Variants in ZBTB7C observed in about 807,000 individuals in gnomAD.
The protein encoded by ZBTB7C is zinc finger and BTB domain-containing protein 7C.
In ZBTB7C, 8 loss-of-function variants were observed where a neutral mutation model predicts 25.7. The observed-to-expected ratio is 0.31, with a 90% CI of 0.18 to 0.56. The LOEUF is 0.56. ZBTB7C is among the 20% of genes least tolerant of loss of function. The pLI, the probability that ZBTB7C is intolerant of heterozygous loss-of-function variation, is 0.91. For missense variants in ZBTB7C, 824 were observed against 855.2 expected (o/e 0.96, Z 0.46); for synonymous variants, 394 against 369.0 (o/e 1.07, Z -0.78).
intron 2 of ZBTB7C, among the ~76,000 whole-genome samples, chr18:48,264,922 G>A (rs1346950633): frequency 6.6e-6 from 1 of 152,212 alleles, no homozygotes; most frequent in Non-Finnish European, 1.5e-5. Context: ...GGCTGCAGAT[G>A]AGAAAGTAAA....
chr18:48,364,958 T>G (rs1325507203), intron 1 of ZBTB7C, among the ~76,000 whole-genome samples: 1 of 152,222 alleles, frequency 6.6e-6, no homozygotes, highest in African/African-American at 2.4e-5. Context: ...AAATCTCTGA[T>G]TCAGCAGGGC....
intron 3 of ZBTB7C, among the ~76,000 whole-genome samples, chr18:48,146,806 T>C (rs1019614205): frequency 6.6e-6 from 1 of 152,238 alleles, no homozygotes; most frequent in Non-Finnish European, 1.5e-5. Flanking sequence ...TATGTCCTAG[T>C]ATAATGTCAT....
chr18:48,396,547 T>C (rs2048031942), intron 1 of ZBTB7C, among the ~76,000 whole-genome samples: 1 of 152,224 alleles, frequency 6.6e-6, no homozygotes, highest in Non-Finnish European at 1.5e-5. Context: ...TTATATTTAG[T>C]TGTAAGCTAG....
chr18:48,049,814 A>G (rs1042750806), intron 3 of ZBTB7C, among the ~76,000 whole-genome samples: 1 of 152,034 alleles, frequency 6.6e-6, no homozygotes, highest in African/African-American at 2.4e-5. Flanking sequence ...GCTATGATCC[A>G]CAAGTCTGGT....
chr18:48,189,363 T>C (rs573043972), intron 2 of ZBTB7C, among the ~76,000 whole-genome samples: 2 of 152,296 alleles, frequency 1.3e-5, no homozygotes, highest in African/African-American at 4.8e-5. Flanking sequence ...TTCTATGCCC[T>C]GGATTTTTTT....
chr18:48,311,167 T>C (rs758275684), intron 2 of ZBTB7C, among the ~76,000 whole-genome samples: 2 of 152,120 alleles, frequency 1.3e-5, no homozygotes, highest in Non-Finnish European at 2.9e-5. Context: ...ATCTGCTTCC[T>C]AAGGCAGCAG....
At chr18:48,118,085 A>G (rs927016145) in intron 3 of ZBTB7C, among the ~76,000 whole-genome samples, 2 of 150,134 alleles carry the variant, frequency 1.3e-5, no homozygotes, top group Admixed American at 6.7e-5. Flanking sequence ...GACTCACTGC[A>G]ATCTCCACCT....
At chr18:48,293,953 G>T (rs2045310820) in intron 2 of ZBTB7C, among the ~76,000 whole-genome samples, 1 of 152,176 alleles carries the variant, frequency 6.6e-6, no homozygotes, top group Non-Finnish European at 1.5e-5. Context: ...CTAGAACAAT[G>T]AAATGAACAA....
intron 3 of ZBTB7C, chr18:48,150,571 G>C (rs1316582915): frequency 7.9e-6 from 1 of 126,798 alleles, no homozygotes; most frequent in East Asian, 2.3e-4. Flanking sequence ...GACAGAGCGA[G>C]ACTCCATCTC....
chr18:48,150,041 T>A (rs2144883648), intron 3 of ZBTB7C: 1 of 152,156 alleles, frequency 6.6e-6, no homozygotes, highest in East Asian at 1.9e-4. Context: ...TGACCTCAAG[T>A]GATCCACCCG....
At chr18:48,222,971 C>G (rs1409581049) in intron 2 of ZBTB7C, among the ~76,000 whole-genome samples, 1 of 152,148 alleles carries the variant, frequency 6.6e-6, no homozygotes, top group Non-Finnish European at 1.5e-5. Flanking sequence ...GCTGTGTGGC[C>G]CTGAGCTGTG....
intron 3 of ZBTB7C, among the ~76,000 whole-genome samples, chr18:48,093,637 G>C (rs1022133131): frequency 4.0e-5 from 6 of 151,236 alleles, no homozygotes; most frequent in South Asian, 4.2e-4. Context: ...CACACACACA[G>C]AGATTCATCT....
intron 2 of ZBTB7C, among the ~76,000 whole-genome samples, chr18:48,313,831 G>A (rs951060205): frequency 6.6e-6 from 1 of 152,218 alleles, no homozygotes; most frequent in Non-Finnish European, 1.5e-5. Context: ...GATTCCCAAT[G>A]TTGGAGGTAG....
intron 2 of ZBTB7C, among the ~76,000 whole-genome samples, chr18:48,300,840 G>A (rs2045526141): frequency 1.3e-5 from 2 of 152,384 alleles, no homozygotes; most frequent in East Asian, 3.9e-4. Flanking sequence ...CCAGGGCAGA[G>A]TGCATCAGAA....
intron 3 of ZBTB7C, among the ~76,000 whole-genome samples, chr18:48,182,155 G>T (rs920044218): frequency 6.6e-6 from 1 of 151,952 alleles, no homozygotes; most frequent in Non-Finnish European, 1.5e-5. Context: ...TCAAGATAAT[G>T]ATTCTACTTC....
At chr18:48,041,593 T>TA in intron 3 of ZBTB7C, 1 of 973,628 alleles carries the variant, frequency 1.0e-6, no homozygotes, top group Non-Finnish European at 1.2e-6. Flanking sequence ...GTAACAGACT[T>TA]ACACTTTGCA....
At chr18:48,159,904 GT>G (rs1304840074) in intron 3 of ZBTB7C, among the ~76,000 whole-genome samples, 2 of 152,190 alleles carry the variant, frequency 1.3e-5, no homozygotes, top group Non-Finnish European at 2.9e-5. Context: ...CTGTGGGGCT[GT>G]GGTCTCTTCA....
chr18:48,298,742 C>A (rs1189106619), intron 2 of ZBTB7C, among the ~76,000 whole-genome samples: 1 of 152,204 alleles, frequency 6.6e-6, no homozygotes, highest in Admixed American at 6.5e-5. Context: ...GCAGGGTAGG[C>A]CAGTGTCTGG....
At chr18:48,055,878 C>T (rs183073829) in intron 3 of ZBTB7C, among the ~76,000 whole-genome samples, 2 of 152,284 alleles carry the variant, frequency 1.3e-5, no homozygotes, top group Admixed American at 6.5e-5. Context: ...GGAGAATCTC[C>T]CCATCTCCAC....
Sources: allele counts gnomAD v4.1 joint callset (sites outside exome capture counted in the v4.1 genomes callset), GRCh38; gene constraint gnomAD v4.1.1; transcripts MANE v1.5; gene names NCBI Gene and HGNC (gene_info 2026-07-23, HGNC 2026-07-21).